SORCS2: variants seen among roughly 807,000 people sequenced by gnomAD.
SORCS2 encodes sortilin related VPS10 domain containing receptor 2, also known as VPS10 domain-containing receptor SorCS2.
In SORCS2, 100 loss-of-function variants were observed where a neutral mutation model predicts 141.6. The ratio of observed to expected loss-of-function variants is 0.71; its 90% confidence interval spans 0.60 to 0.83. The LOEUF (loss-of-function observed/expected upper bound fraction) is 0.83. Among genes scored for constraint, SORCS2 ranks in the 40% least tolerant of loss-of-function variants. The pLI is 0.00. For missense variants in SORCS2, 1,646 were observed against 1,560.2 expected (o/e 1.05, Z -0.93); for synonymous variants, 789 against 676.9 (o/e 1.17, Z -2.57).
intron 1 of SORCS2, among the ~76,000 whole-genome samples, chr4:7,394,681 C>A (rs1724091059): frequency 6.6e-6 from 1 of 152,068 alleles, no homozygotes; most frequent in South Asian, 2.1e-4. Flanking sequence ...TCCACAGTGG[C>A]AGAGCTGGAA....
intron 11 of SORCS2, among the ~76,000 whole-genome samples, chr4:7,694,124 T>C: frequency 6.6e-6 from 1 of 152,184 alleles, no homozygotes; most frequent in East Asian, 1.9e-4. Context: ...TGCTCTGTTT[T>C]CTGGCTGCAG....
chr4:7,214,715 T>C (rs1384673809), intron 1 of SORCS2, among the ~76,000 whole-genome samples: 1 of 152,208 alleles, frequency 6.6e-6, no homozygotes, highest in Non-Finnish European at 1.5e-5. Flanking sequence ...AGACAGCACA[T>C]TCCGGCATAT....
chr4:7,417,005 G>A (rs539869827), intron 2 of SORCS2, among the ~76,000 whole-genome samples: 1 of 152,304 alleles, frequency 6.6e-6, no homozygotes, highest in South Asian at 2.1e-4. Context: ...GAGCAGAGCG[G>A]GGTCTCCTGC....
At chr4:7,645,170 G>A (rs1720991700) in intron 4 of SORCS2, among the ~76,000 whole-genome samples, 1 of 152,192 alleles carries the variant, frequency 6.6e-6, no homozygotes, top group Admixed American at 6.5e-5. Flanking sequence ...GTGGGTATGA[G>A]CAGTGCCCTC....
intron 11 of SORCS2, among the ~76,000 whole-genome samples, chr4:7,694,251 A>G (rs1030238254): frequency 1.3e-5 from 2 of 152,166 alleles, no homozygotes; most frequent in Admixed American, 1.3e-4. Flanking sequence ...AGGCCCAAAG[A>G]GACACCAGAA....
intron 2 of SORCS2, among the ~76,000 whole-genome samples, chr4:7,397,942 T>C (rs10000132): frequency 0.19 from 28,191 of 152,164 alleles, 2,893 homozygotes; most frequent in Non-Finnish European, 0.23. Context: ...CAGTCCTCCT[T>C]GGCATGGAGG....
At chr4:7,380,857 G>A (rs532812511) in intron 1 of SORCS2, among the ~76,000 whole-genome samples, 24 of 152,314 alleles carry the variant, frequency 1.6e-4, no homozygotes, top group Admixed American at 8.5e-4. Context: ...AGGCCAAGGC[G>A]GGCAGATCAC....
At chr4:7,406,993 G>C (rs925170669) in intron 2 of SORCS2, among the ~76,000 whole-genome samples, 2 of 151,980 alleles carry the variant, frequency 1.3e-5, no homozygotes, top group African/African-American at 4.8e-5. Flanking sequence ...TGGAGTTTCT[G>C]ATGTTCTTCT....
chr4:7,308,938 C>T (rs1368456564), intron 1 of SORCS2, among the ~76,000 whole-genome samples: 1 of 152,216 alleles, frequency 6.6e-6, no homozygotes, highest in Non-Finnish European at 1.5e-5. Context: ...AGACCTCCTG[C>T]TCTCTGGCCC....
intron 3 of SORCS2, among the ~76,000 whole-genome samples, chr4:7,585,057 CAG>C (rs775510790): frequency 1.3e-5 from 2 of 152,192 alleles, no homozygotes; most frequent in Admixed American, 6.5e-5. Flanking sequence ...TCTGACATGT[CAG>C]AGTCTCAGAA....
At chr4:7,560,536 C>T (rs910417399) in intron 3 of SORCS2, among the ~76,000 whole-genome samples, 2 of 152,220 alleles carry the variant, frequency 1.3e-5, no homozygotes, top group East Asian at 1.9e-4. Flanking sequence ...GAGAAGTGCT[C>T]GTAGGGTGTC....
In SORCS2 at chr4:7,449,458, C is replaced by T. The variant is rs1484164755; in HGVS notation, c.548+53103C>T. Among the ~76,000 whole-genome samples the T allele has an allele frequency of 2.3e-5, 3 of 129,980 alleles. No homozygotes were observed. In the East Asian group the frequency reaches 8.2e-4, roughly 36 times the overall value. The allele number at this position is 129,980 out of a possible 152,430, so 85.3% of individuals were successfully genotyped here. Reference sequence around the variant, plus strand: ...CAGGAAACAAACCCTTGCTTTTCTTCCCACCTATGGGTGAATTTGGGCAAG... The same window carrying T: ...CAGGAAACAAACCCTTGCTTTTCTTTCCACCTATGGGTGAATTTGGGCAAG... On this transcript the variant is annotated intron_variant, in intron 2 of 26. Transcript: ENST00000507866.
intron 1 of SORCS2, among the ~76,000 whole-genome samples, chr4:7,342,952 C>G (rs923677948): frequency 1.3e-5 from 2 of 152,144 alleles, no homozygotes; most frequent in African/African-American, 4.8e-5. Flanking sequence ...TCTGTCCTGG[C>G]TGTGTGGCCT....
At chr4:7,348,327 G>A (rs1272520129) in intron 1 of SORCS2, among the ~76,000 whole-genome samples, 1 of 151,758 alleles carries the variant, frequency 6.6e-6, no homozygotes, top group Non-Finnish European at 1.5e-5. Context: ...CTGTGAACTT[G>A]AAGAATAATA....
chr4:7,740,458 G>A lies in SORCS2; in HGVS notation c.*194G>A. On this transcript the variant is annotated 3_prime_UTR_variant, in exon 27 of 27. Transcript: ENST00000507866. ...CACGGGGGGCCCACGGGACCCCCCG[G>A]GACTCCCCGGACATGGCCCTGCCCC... The A allele has an allele frequency of 1.7e-6, 1 of 592,022 alleles. No homozygotes were observed. Among genetic ancestry groups the A allele is most frequent in the South Asian group, 2.0e-5 (1 of 50,798 alleles). The allele number at this position is 592,022 out of a possible 1,614,324, so 36.7% of individuals were successfully genotyped here. A position where few individuals can be genotyped will look rare whatever the true frequency, so the allele number is the denominator to read the frequency against.
chr4:7,369,146 A>G (rs923827084), intron 1 of SORCS2, among the ~76,000 whole-genome samples: 5 of 152,064 alleles, frequency 3.3e-5, no homozygotes, highest in African/African-American at 1.2e-4. Context: ...GTCTCCACTA[A>G]AAAATACAAA....
At chr4:7,386,635 GCA>G (rs1265972793) in intron 1 of SORCS2, among the ~76,000 whole-genome samples, 7 of 149,532 alleles carry the variant, frequency 4.7e-5, no homozygotes, top group East Asian at 3.9e-4. Context: ...ATGAACACAT[GCA>G]CACACAGATA....
chr4:7,586,256 G>C (rs751952157), intron 3 of SORCS2, among the ~76,000 whole-genome samples: 2 of 152,266 alleles, frequency 1.3e-5, no homozygotes, highest in Middle Eastern at 6.8e-3. Context: ...AAGTCTGTCT[G>C]TCTGGTCCCT....
intron 12 of SORCS2, 139 bp downstream of exon 12, chr4:7,697,413 A>C (rs1577086934): frequency 1.3e-6 from 1 of 760,790 alleles, no homozygotes; most frequent in Non-Finnish European, 2.1e-6. Context: ...CTTGCAGCCA[A>C]AGTGGCTGGA....
Sources: gnomAD v4.1 joint callset for allele counts (sites outside exome capture counted in the v4.1 genomes callset) on GRCh38, gnomAD v4.1.1 for gene constraint, MANE v1.5 for transcripts, NCBI Gene and HGNC (gene_info 2026-07-23, HGNC 2026-07-21) for gene names.